The following RPTOR variants were observed in gnomAD, a reference collection of about 807,000 sequenced individuals.
The protein encoded by RPTOR is regulatory associated protein of MTOR complex 1.
Under a neutral mutation model 169.9 loss-of-function variants are expected in RPTOR, and 21 were observed. The observed-to-expected ratio is 0.12, with a 90% CI of 0.09 to 0.18. The LOEUF (loss-of-function observed/expected upper bound fraction) is 0.18. Among genes scored for constraint, RPTOR ranks in the 10% least tolerant of loss-of-function variants. The probability of loss-of-function intolerance (pLI) is 1.00; values close to 1 mark genes in which losing one functional copy is unlikely to be tolerated. For missense variants in RPTOR, 1,133 were observed against 1,855.9 expected, an observed-to-expected ratio of 0.61 and a Z score of 7.16; for synonymous variants, 732 against 753.2, an observed-to-expected ratio of 0.97 and a Z score of 0.46.
chr17:80,740,101 A>G, intron 5 of RPTOR, among the ~76,000 whole-genome samples: 1 of 152,250 alleles, frequency 6.6e-6, no homozygotes, highest in East Asian at 1.9e-4. Context: ...AGCCATTTAA[A>G]TAATAATGAA....
At chr17:80,948,883 A>G (rs8078643) in intron 27 of RPTOR, among the ~76,000 whole-genome samples, 78,479 of 151,964 alleles carry the variant, frequency 0.52, 21,459 homozygotes, top group African/African-American at 0.7. Context: ...AGAGCAGGGC[A>G]GTGCGTCCCT....
chr17:80,720,927 T>G (rs1352431031), intron 4 of RPTOR, among the ~76,000 whole-genome samples: 1 of 151,082 alleles, frequency 6.6e-6, no homozygotes, highest in East Asian at 1.9e-4. Context: ...GCAAGCAGGA[T>G]ATTCATCTTA....
At chr17:80,779,872 C>G (rs1038378130) in intron 6 of RPTOR, among the ~76,000 whole-genome samples, 9 of 152,170 alleles carry the variant, frequency 5.9e-5, no homozygotes, top group Admixed American at 5.2e-4. Context: ...TTGTTTGCCA[C>G]CAGAATGCCA....
chr17:80,828,052 G>A (rs148160678), intron 9 of RPTOR, among the ~76,000 whole-genome samples: 18 of 152,242 alleles, frequency 1.2e-4, no homozygotes, highest in East Asian at 9.7e-4. Flanking sequence ...TGTTTCAGGC[G>A]CATCCCTGGG....
At chr17:80,570,821 A>G (rs1304325690) in intron 1 of RPTOR, among the ~76,000 whole-genome samples, 2 of 152,168 alleles carry the variant, frequency 1.3e-5, no homozygotes, top group Non-Finnish European at 2.9e-5. Context: ...TCTTTCACTG[A>G]ACCTAATTAT....
intron 13 of RPTOR, among the ~76,000 whole-genome samples, chr17:80,877,710 G>A (rs571307886): frequency 2.0e-5 from 3 of 152,252 alleles, no homozygotes; most frequent in East Asian, 1.9e-4. Flanking sequence ...TTACGTGGAC[G>A]GCGGTCGATG....
At chr17:80,578,589 A>C (rs537869000) in intron 1 of RPTOR, among the ~76,000 whole-genome samples, 1 of 152,302 alleles carries the variant, frequency 6.6e-6, no homozygotes, top group African/African-American at 2.4e-5. Context: ...CAGGTATCTC[A>C]ACCAAGCGGA....
At chr17:80,871,331 G>A (rs199645629) in intron 13 of RPTOR, among the ~76,000 whole-genome samples, 1 of 152,128 alleles carries the variant, frequency 6.6e-6, no homozygotes, top group East Asian at 1.9e-4. Flanking sequence ...GGATGGTCTC[G>A]ATCTCCTGAC....
chr17:80,765,069 C>G (rs1305515117), intron 6 of RPTOR, among the ~76,000 whole-genome samples: 1 of 151,996 alleles, frequency 6.6e-6, no homozygotes, highest in Non-Finnish European at 1.5e-5. Context: ...CCTTAAAGAG[C>G]CAGGGGAAAA....
intron 2 of RPTOR, among the ~76,000 whole-genome samples, chr17:80,634,587 ACT>A (rs1371248111): frequency 2.6e-5 from 1 of 38,104 alleles, no homozygotes; most frequent in Admixed American, 3.3e-4. Context: ...GTGTGTGCGT[ACT>A]GTGTGTGTGC....
intron 11 of RPTOR, among the ~76,000 whole-genome samples, chr17:80,852,986 CCTT>C (rs1201693661): frequency 6.6e-6 from 1 of 152,032 alleles, no homozygotes; most frequent in African/African-American, 2.4e-5. Flanking sequence ...TTCCTTCACC[CCTT>C]CTTCTCTCAG....
In RPTOR at chr17:80,964,113, G is replaced by T. The variant is rs922125428; in HGVS notation, c.3940-149G>T. The T allele has an allele frequency of 4.4e-5, 30 of 688,372 alleles. No individual in the cohort carries two copies. The Admixed American group carries it at 6.3e-4, about 15-fold the overall frequency. The allele number at this position is 688,372 out of a possible 1,614,324, so 42.6% of individuals were successfully genotyped here. ...GCCCTGCAGAGGACTGGTGGGACCG[G>T]CCCGGCATTTCCGGGCCTGAGGTGG... On this transcript the variant is annotated intron_variant, in intron 33 of 33. Coordinates refer to ENST00000306801, the MANE Select transcript of RPTOR (RefSeq NM_020761.3).
rs2065639201 is a variant in RPTOR at position 80,651,510 on chromosome 17, C to A, written c.348+7700C>A. ...CTCCCTCCCAAATGTCCGCGATTTA[C>A]TTGTTGGTATGACACATAATGGAGA... On this transcript the variant is annotated intron_variant, in intron 3 of 33. Transcript: ENST00000306801. The surrounding 1 kb of genome is among the most constrained non-coding windows in gnomAD (Gnocchi z 4.1). Among the ~76,000 whole-genome samples the A allele has an allele frequency of 6.6e-6, 1 of 150,774 alleles. No homozygotes were observed. Among genetic ancestry groups the A allele is most frequent in the Non-Finnish European group, 1.5e-5 (1 of 67,910 alleles).
chr17:80,680,312 G>T (rs1205145049), intron 3 of RPTOR, among the ~76,000 whole-genome samples: 1 of 152,168 alleles, frequency 6.6e-6, no homozygotes, highest in Non-Finnish European at 1.5e-5. Flanking sequence ...CAGGATGATG[G>T]TGCTGTGCCT....
intron 11 of RPTOR, among the ~76,000 whole-genome samples, chr17:80,848,032 A>G (rs1220945798): frequency 4.6e-5 from 7 of 152,232 alleles, no homozygotes; most frequent in African/African-American, 1.7e-4. Context: ...CTCGTTCAGG[A>G]CTTTGCCCCA....
At chr17:80,955,376 T>C (rs567401786) in intron 28 of RPTOR, among the ~76,000 whole-genome samples, 52 of 152,290 alleles carry the variant, frequency 3.4e-4, no homozygotes, top group Non-Finnish European at 5.6e-4. Context: ...TGATGCCATA[T>C]AGAAAAGGAT....
In RPTOR at chr17:80,545,465, A is replaced by G. The variant is rs2084262654; in HGVS notation, c.-165A>G. On this transcript the variant is annotated 5_prime_UTR_variant, in exon 1 of 34. Coordinates refer to ENST00000306801, the MANE Select transcript of RPTOR (RefSeq NM_020761.3). ...TTCCCGCTCAGAGTTAGAGATAAGG[A>G]TCTCAGACTTTTGCCTGAGTAAGGG... 1.8e-6 allele frequency: 1 copy of G among 544,020 alleles called. No individual in the cohort carries two copies. The highest frequency in any genetic ancestry group is 3.2e-6 in the Non-Finnish European group (1 of 308,956). The allele number at this position is 544,020 out of a possible 1,614,324, so 33.7% of individuals were successfully genotyped here.
intron 3 of RPTOR, among the ~76,000 whole-genome samples, chr17:80,670,251 G>A (rs1035846182): frequency 6.6e-5 from 10 of 152,172 alleles, no homozygotes; most frequent in Admixed American, 3.9e-4. Flanking sequence ...CCTTTAAATT[G>A]TCCCTCTTTT....
intron 4 of RPTOR, chr17:80,709,180 C>A: frequency 2.9e-6 from 2 of 681,560 alleles, no homozygotes; most frequent in Non-Finnish European, 1.8e-6. Context: ...TATCTGGATA[C>A]CAGCTTGATT....
Sources: gnomAD v4.1 joint callset for allele counts (sites outside exome capture counted in the v4.1 genomes callset) on GRCh38, gnomAD v4.1.1 for gene constraint, Gnocchi (gnomAD v3.1) non-coding constraint, MANE v1.5 for transcripts, NCBI Gene and HGNC (gene_info 2026-07-23, HGNC 2026-07-21) for gene names.